RBMS3: variants seen among roughly 807,000 people sequenced by gnomAD.
RBMS3 encodes RNA binding motif single stranded interacting protein 3, also known as RNA-binding motif, single-stranded-interacting protein 3.
In RBMS3, 27 loss-of-function variants were observed where a neutral mutation model predicts 66.8. The observed-to-expected ratio is 0.40, with a 90% CI of 0.30 to 0.56. The LOEUF (loss-of-function observed/expected upper bound fraction) is 0.56. RBMS3 is among the 20% of genes least tolerant of loss of function. RBMS3 has a pLI of 0.40. For synonymous variants in RBMS3, 188 were observed against 183.0 expected (o/e 1.03, Z -0.22); for missense variants, 513 against 549.5 (o/e 0.93, Z 0.66).
intron 8 of RBMS3, among the ~76,000 whole-genome samples, chr3:29,891,085 T>A (rs2059991521): frequency 6.6e-6 from 1 of 151,594 alleles, no homozygotes; most frequent in South Asian, 2.1e-4. Context: ...TTTTTTAGTA[T>A]CTTAAGCAAG....
At chr3:29,629,059 T>A (rs113493876) in intron 4 of RBMS3, among the ~76,000 whole-genome samples, 123 of 152,248 alleles carry the variant, frequency 8.1e-4, no homozygotes, top group African/African-American at 2.6e-3. Context: ...CAGGCCATCA[T>A]GATGACATAA....
chr3:29,700,871 T>TGA (rs2052537898), intron 4 of RBMS3, among the ~76,000 whole-genome samples: 1 of 151,454 alleles, frequency 6.6e-6, no homozygotes, highest in Non-Finnish European at 1.5e-5. Context: ...TGTGTGTGTG[T>TGA]TCGTGTGCAT....
intron 5 of RBMS3, among the ~76,000 whole-genome samples, chr3:29,758,214 T>A (rs2055511097): frequency 6.6e-6 from 1 of 152,184 alleles, no homozygotes; most frequent in African/African-American, 2.4e-5. Flanking sequence ...TTGAACAGAT[T>A]GAAGTACATC....
At chr3:29,431,148 A>G (rs1450075176) in intron 1 of RBMS3, among the ~76,000 whole-genome samples, 2 of 152,150 alleles carry the variant, frequency 1.3e-5, no homozygotes, top group Non-Finnish European at 2.9e-5. Flanking sequence ...GGCAATGAAT[A>G]TATTCTATTT....
chr3:29,940,046 C>T (rs549451762), intron 11 of RBMS3, among the ~76,000 whole-genome samples: 2 of 151,892 alleles, frequency 1.3e-5, no homozygotes, highest in East Asian at 3.9e-4. Flanking sequence ...ATCTAAGACC[C>T]AATCAAGACC....
chr3:29,343,391 G>T (rs1000586492), intron 1 of RBMS3, among the ~76,000 whole-genome samples: 10 of 151,762 alleles, frequency 6.6e-5, no homozygotes, highest in Non-Finnish European at 1.0e-4. Flanking sequence ...GAAGAACAAT[G>T]CAATTTGACA....
chr3:29,809,084 C>T (rs572732886), intron 6 of RBMS3, among the ~76,000 whole-genome samples: 9 of 151,816 alleles, frequency 5.9e-5, no homozygotes, highest in South Asian at 2.1e-4. Context: ...TACTGATTTG[C>T]GTTTATTTCA....
intron 5 of RBMS3, among the ~76,000 whole-genome samples, chr3:29,755,345 C>A (rs1220556297): frequency 2.0e-5 from 3 of 152,174 alleles, no homozygotes; most frequent in Admixed American, 6.5e-5. Context: ...AACTTTATCT[C>A]TTACATGCTT....
At chr3:29,609,015 AC>A (rs772150340) in intron 4 of RBMS3, among the ~76,000 whole-genome samples, 11 of 152,022 alleles carry the variant, frequency 7.2e-5, no homozygotes, top group Non-Finnish European at 1.3e-4. Context: ...CTTACTTCTC[AC>A]TATCTGAATG....
At chr3:29,772,537 C>T (rs1228558231) in intron 6 of RBMS3, among the ~76,000 whole-genome samples, 1 of 151,886 alleles carries the variant, frequency 6.6e-6, no homozygotes, top group East Asian at 1.9e-4. Context: ...ACAATAGTTA[C>T]AGGCACCACT....
intron 2 of RBMS3, among the ~76,000 whole-genome samples, chr3:29,484,322 G>C (rs184312552): frequency 1.3e-5 from 2 of 152,202 alleles, no homozygotes; most frequent in East Asian, 3.9e-4. Flanking sequence ...GTTTTGAAGT[G>C]GGAAATACAA....
intron 6 of RBMS3, among the ~76,000 whole-genome samples, chr3:29,798,929 G>GTTTTTTTTTTTTTTTTTTTTTTTTTT (rs368923260): frequency 7.8e-6 from 1 of 127,702 alleles, no homozygotes; most frequent in African/African-American, 2.9e-5. Context: ...GTACCCTCTG[G>GTTTTTTTTTTTTTTTTTTTTTTTTTT]TTTTTTTTTT....
chr3:29,382,969 TCAAA>T lies in RBMS3; in HGVS notation c.76-51770_76-51767del, dbSNP rs1329040889. Among the ~76,000 whole-genome samples, 3 of 152,248 alleles carry T rather than the reference TCAAA, an allele frequency of 2.0e-5. No individual in the cohort carries two copies. In the East Asian group the frequency reaches 5.8e-4, roughly 29 times the overall value. On this transcript the variant is annotated intron_variant, in intron 1 of 14. Transcript: ENST00000383767. ...ATGAATGACGCCTCTGATCAGGAAA[TCAAA>T]CAAGCAAATGAGAAAACCTGTTCAC...
At chr3:29,469,077 T>A (rs1325117040) in intron 2 of RBMS3, among the ~76,000 whole-genome samples, 3 of 152,138 alleles carry the variant, frequency 2.0e-5, no homozygotes, top group Non-Finnish European at 4.4e-5. Flanking sequence ...AAGGTTACAG[T>A]TCAGCATTCT....
chr3:29,695,989 G>A (rs1472069862), intron 4 of RBMS3, among the ~76,000 whole-genome samples: 2 of 152,182 alleles, frequency 1.3e-5, no homozygotes, highest in Non-Finnish European at 2.9e-5. Flanking sequence ...ACTAAACCAA[G>A]ACCAGGCTCT....
At chr3:29,471,936 G>A (rs940668290) in intron 2 of RBMS3, among the ~76,000 whole-genome samples, 1 of 151,892 alleles carries the variant, frequency 6.6e-6, no homozygotes, top group South Asian at 2.1e-4. Context: ...AATTTCCTGG[G>A]AGAATGATGA....
chr3:29,560,914 C>T (rs1168823224), intron 3 of RBMS3, among the ~76,000 whole-genome samples: 1 of 152,118 alleles, frequency 6.6e-6, no homozygotes, highest in East Asian at 1.9e-4. Flanking sequence ...TGAAAGGTCC[C>T]AGTGTGTGTT....
At chr3:29,834,908 G>A (rs1171080709) in intron 6 of RBMS3, among the ~76,000 whole-genome samples, 1 of 151,960 alleles carries the variant, frequency 6.6e-6, no homozygotes, top group African/African-American at 2.4e-5. Context: ...CAGCTTTAAG[G>A]AAATTCGTAG....
At chr3:29,633,682 G>A (rs549643027) in intron 4 of RBMS3, among the ~76,000 whole-genome samples, 2 of 151,868 alleles carry the variant, frequency 1.3e-5, no homozygotes, top group Non-Finnish European at 2.9e-5. Flanking sequence ...ACAAGTAGAG[G>A]AAGACATCTT....
Sources: gnomAD v4.1 joint callset for allele counts (sites outside exome capture counted in the v4.1 genomes callset) on GRCh38, gnomAD v4.1.1 for gene constraint, MANE v1.5 for transcripts, NCBI Gene and HGNC (gene_info 2026-07-23, HGNC 2026-07-21) for gene names.